APPL2: variants seen among roughly 807,000 people sequenced by gnomAD.
APPL2 encodes the protein adaptor protein, phosphotyrosine interacting with PH domain and leucine zipper 2.
A neutral mutation model predicts 92.7 loss-of-function variants in APPL2; 84 were observed. That is an observed-to-expected ratio of 0.91 (90% CI 0.76 to 1.09). APPL2 has a LOEUF of 1.09. Among genes scored for constraint, APPL2 ranks in the 50% least tolerant of loss-of-function variants. The pLI is 0.00. For missense variants in APPL2, 736 were observed against 824.5 expected (o/e 0.89, Z 1.31); for synonymous variants, 291 against 291.0 (o/e 1.00, Z 0.00).
At chr12:105,210,195 A>T (rs1196757) in intron 5 of APPL2, among the ~76,000 whole-genome samples, 3 of 151,892 alleles carry the variant, frequency 2.0e-5, no homozygotes, top group Non-Finnish European at 4.4e-5. Context: ...CTCCTGACCT[A>T]GTGATCCGCC....
Position 105,229,142 on chromosome 12 carries a change from G to A in APPL2, c.136C>T (p.Arg46Cys), listed in dbSNP as rs750264574. Residue 46 changes from arginine (R) to cysteine (C), a missense_variant, in exon 2 of 21, where the codon CGC (arginine) becomes TGC (cysteine). Physicochemically the swap from Arg to Cys is radical, Grantham distance 180. Transcript: ENST00000258530. Reference sequence around the variant, plus strand: ...CAGCATACCTGGGCTCCATAGACGCGCTGCATTGCCTGGAGCAGCTGGTTG... The same window carrying A: ...CAGCATACCTGGGCTCCATAGACGCACTGCATTGCCTGGAGCAGCTGGTTG... Reference protein sequence around the residue: ...YTNQLLQAMQRVYGAQNEMCL... With the variant: ...YTNQLLQAMQCVYGAQNEMCL... 18 of 1,612,236 alleles carry A rather than the reference G, an allele frequency of 1.1e-5. No homozygotes were observed. The highest frequency in any genetic ancestry group is 1.3e-5 in the African/African-American group (1 of 74,980).
chr12:105,227,869 A>C (rs149025058), intron 2 of APPL2, among the ~76,000 whole-genome samples: 193 of 152,310 alleles, frequency 1.3e-3, no homozygotes, highest in Middle Eastern at 6.8e-3. Context: ...TAAAATAATC[A>C]ACATAAAAGC....
chr12:105,229,992 C>T (rs3794224), intron 1 of APPL2: 26,113 of 154,116 alleles, frequency 0.17, 2,504 homozygotes, highest in East Asian at 0.26. Context: ...GTTGGCTAGG[C>T]TGGTCTCAAA....
rs1002822216 is a variant in APPL2, at chr12:105,189,909, C to T, written c.1406+82G>A. 7.4e-6 allele frequency: 12 copies of T among 1,611,032 alleles called. No homozygotes were observed. In the African/African-American group the frequency reaches 1.5e-4, roughly 20 times the overall value. Reference sequence around the variant, plus strand: ...CTTGAACTGGAAATCAGAATGGCAACAGTCTTTGGTGGTGGAGGGGGACAC... The same window carrying T: ...CTTGAACTGGAAATCAGAATGGCAATAGTCTTTGGTGGTGGAGGGGGACAC... On this transcript the variant is annotated intron_variant, in intron 15 of 20. Transcript: ENST00000258530.
intron 17 of APPL2, among the ~76,000 whole-genome samples, chr12:105,183,208 C>T (rs913380080): frequency 2.0e-5 from 3 of 150,860 alleles, no homozygotes; most frequent in Non-Finnish European, 4.4e-5. Flanking sequence ...GACTCTTTAT[C>T]CAATGTGCCA....
In APPL2 at chr12:105,236,073, C is replaced by A; in HGVS notation, c.-61G>T. On this transcript the variant is annotated 5_prime_UTR_variant, in exon 1 of 21. Coordinates refer to ENST00000258530, the MANE Select transcript of APPL2 (RefSeq NM_018171.5). ...GGACAGAGGGCAGGAGACGCGGCGGCCGAGAGCACTCCCCGGCTCTGGGCT... is the reference window on the plus strand; with the variant it reads ...GGACAGAGGGCAGGAGACGCGGCGGACGAGAGCACTCCCCGGCTCTGGGCT... 1 of 1,174,490 alleles carries A rather than the reference C, an allele frequency of 8.5e-7. No homozygotes were observed. Among genetic ancestry groups the A allele is most frequent in the Non-Finnish European group, 1.1e-6 (1 of 935,442 alleles). 72.8% of individuals were successfully genotyped at this position (1,174,490 alleles called of 1,614,324 possible).
intron 17 of APPL2, among the ~76,000 whole-genome samples, chr12:105,180,660 TCTC>T (rs1886029588): frequency 6.6e-6 from 1 of 152,194 alleles, no homozygotes; most frequent in African/African-American, 2.4e-5. Flanking sequence ...GGTTTGTAGT[TCTC>T]CTTGAAGAGG....
intron 19 of APPL2, chr12:105,176,316 G>T: frequency 1.8e-6 from 1 of 548,472 alleles, no homozygotes; most frequent in Non-Finnish European, 3.1e-6. Flanking sequence ...TGAAACTCAG[G>T]TAATTCCAGT....
At chr12:105,177,448 TA>T (rs1885663376) in intron 17 of APPL2, 186 bp from the exon 18 acceptor site, 1 of 615,398 alleles carries the variant, frequency 1.6e-6, no homozygotes, top group Non-Finnish European at 2.9e-6. Flanking sequence ...CCTGTGTAGC[TA>T]AAGCTCAGGG....
chr12:105,184,955 C>G (rs749627741), intron 17 of APPL2, among the ~76,000 whole-genome samples: 4 of 152,150 alleles, frequency 2.6e-5, no homozygotes, highest in Non-Finnish European at 4.4e-5. Context: ...ATGCCCTGCC[C>G]AGAGAGGAGG....
chr12:105,235,933 AG>A (rs1891200040), intron 1 of APPL2, 25 bp downstream of exon 1: 1 of 1,237,804 alleles, frequency 8.1e-7, no homozygotes, highest in African/African-American at 1.6e-5. Context: ...CCTGCGGGCG[AG>A]GGGCACCGGA....
At chr12:105,176,480 C>G (rs1885556202) in intron 19 of APPL2, 2 of 434,718 alleles carry the variant, frequency 4.6e-6, no homozygotes, top group Non-Finnish European at 8.0e-6. Context: ...GTTTTTCATA[C>G]TAAACCAACA....
At chr12:105,227,440 A>G (rs1306101800) in intron 2 of APPL2, among the ~76,000 whole-genome samples, 1 of 152,190 alleles carries the variant, frequency 6.6e-6, no homozygotes, top group Non-Finnish European at 1.5e-5. Context: ...GTTTCCAGAG[A>G]GAATTACAGT....
At position 105,202,241 on chromosome 12, in the gene APPL2, G is replaced by A. The variant is rs57388780; in HGVS notation, c.704+1462C>T. On this transcript the variant is annotated intron_variant, in intron 9 of 20. Transcript: ENST00000258530. ...CACAGAACCAGCCCCAGCCTGCACA[G>A]AGAAGGCCATGTAGCCCGGGCGCAG... 4.4e-3 allele frequency among the ~76,000 whole-genome samples: 666 copies of A among 152,330 alleles called. 9 individuals are homozygous for A. Among genetic ancestry groups the A allele is most frequent in the African/African-American group, 0.015 (628 of 41,570 alleles).
At chr12:105,193,112 G>A (rs920552004) in intron 14 of APPL2, among the ~76,000 whole-genome samples, 1 of 148,942 alleles carries the variant, frequency 6.7e-6, no homozygotes, top group Non-Finnish European at 1.5e-5. Context: ...GCTGGCTAGA[G>A]TCATTTTTTT....
At chr12:105,212,833 C>A (rs1240107249) in intron 4 of APPL2, among the ~76,000 whole-genome samples, 2 of 152,228 alleles carry the variant, frequency 1.3e-5, no homozygotes, top group African/African-American at 4.8e-5. Flanking sequence ...GCCACTCTTA[C>A]AAGCTTAAAG....
chr12:105,195,412 A>G (rs1455991474), intron 13 of APPL2, 33 bp downstream of exon 13: 1 of 1,614,182 alleles, frequency 6.2e-7, no homozygotes. Flanking sequence ...CCAGGTTGAG[A>G]AAAGGGCTGA....
At position 105,199,410 on chromosome 12, in the gene APPL2, T is replaced by G. The variant is rs764958743; in HGVS notation, c.826A>C (p.Asn276His). The change falls in exon 10 of 21, where the codon AAC (asparagine) becomes CAC (histidine). Residue 276 changes from asparagine to histidine, a missense_variant. Coordinates refer to ENST00000258530, the MANE Select transcript of APPL2 (RefSeq NM_018171.5). Reference protein sequence around the residue: ...SDVAAPQINRNLIQKAGYLNL... With the variant: ...SDVAAPQINRHLIQKAGYLNL... ...AGGTAACCAGCCTTCTGGATGAGGTTCCTGTTGATCTGTGGTGCGGCCACA... is the reference window on the plus strand; with the variant it reads ...AGGTAACCAGCCTTCTGGATGAGGTGCCTGTTGATCTGTGGTGCGGCCACA... The G allele has an allele frequency of 6.2e-7, 1 of 1,613,962 alleles. No homozygotes were observed. Among genetic ancestry groups the G allele is most frequent in the African/African-American group, 1.3e-5 (1 of 75,044 alleles).
At chr12:105,225,744 T>C (rs1890446773) in intron 2 of APPL2, among the ~76,000 whole-genome samples, 1 of 152,242 alleles carries the variant, frequency 6.6e-6, no homozygotes, top group Admixed American at 6.5e-5. Flanking sequence ...TATAGTTTCA[T>C]TCTAGAGGTT....
Sources: allele counts gnomAD v4.1 joint callset (sites outside exome capture counted in the v4.1 genomes callset), GRCh38; gene constraint gnomAD v4.1.1; transcripts MANE v1.5; gene names NCBI Gene and HGNC (gene_info 2026-07-23, HGNC 2026-07-21).